The following CTNNA2 variants were observed in gnomAD, a reference collection of about 807,000 sequenced individuals.
CTNNA2 encodes the protein catenin alpha 2, also known as catenin alpha-2.
In CTNNA2, 42 loss-of-function variants were observed where a neutral mutation model predicts 101.0. The ratio of observed to expected loss-of-function variants is 0.42; its 90% CI spans 0.32 to 0.54. The LOEUF (loss-of-function observed/expected upper bound fraction) is 0.54, where lower values mean the gene tolerates loss of function less well. Among genes scored for constraint, CTNNA2 ranks in the 20% least tolerant of loss-of-function variants. The pLI is 0.14. For missense variants in CTNNA2, 871 were observed against 1,223.1 expected (o/e 0.71, Z 4.29); for synonymous variants, 450 against 456.4 (o/e 0.99, Z 0.18).
intron 7 of CTNNA2, among the ~76,000 whole-genome samples, chr2:80,257,445 G>A (rs1672260752): frequency 6.6e-6 from 1 of 152,088 alleles, no homozygotes; most frequent in Non-Finnish European, 1.5e-5. Context: ...TGTAGTAAAA[G>A]GACTTTTGAA....
At chr2:79,551,775 G>A (rs1286577832) in intron 1 of CTNNA2, among the ~76,000 whole-genome samples, 2 of 152,080 alleles carry the variant, frequency 1.3e-5, no homozygotes, top group Non-Finnish European at 2.9e-5. Flanking sequence ...TTACATGGAC[G>A]GAGAAGGAGG....
chr2:79,822,813 G>A (rs1453093128), intron 3 of CTNNA2, among the ~76,000 whole-genome samples: 2 of 152,024 alleles, frequency 1.3e-5, no homozygotes, highest in Non-Finnish European at 2.9e-5. Context: ...CTCTCTGTAC[G>A]CTTAAAGACA....
chr2:80,556,919 A>G (rs992519626), intron 12 of CTNNA2, among the ~76,000 whole-genome samples: 19 of 152,216 alleles, frequency 1.2e-4, no homozygotes, highest in Non-Finnish European at 2.5e-4. Context: ...TAAAATAGCC[A>G]TCTCTGAAAG....
At chr2:80,468,701 C>A (rs1420505288) in intron 9 of CTNNA2, among the ~76,000 whole-genome samples, 1 of 152,156 alleles carries the variant, frequency 6.6e-6, no homozygotes, top group Non-Finnish European at 1.5e-5. Flanking sequence ...CAGGTGTGAG[C>A]CACTGTGCCC....
intron 9 of CTNNA2, among the ~76,000 whole-genome samples, chr2:80,484,945 G>A (rs1482360771): frequency 6.6e-6 from 1 of 152,138 alleles, no homozygotes; most frequent in Non-Finnish European, 1.5e-5. Flanking sequence ...GGTGGAGCTT[G>A]CAGTGAGCCG....
At chr2:80,229,824 A>G (rs1293745011) in intron 7 of CTNNA2, among the ~76,000 whole-genome samples, 1 of 152,152 alleles carries the variant, frequency 6.6e-6, no homozygotes, top group South Asian at 2.1e-4. Flanking sequence ...GACTTATTAT[A>G]AACAGCAAAA....
chr2:79,991,836 G>A (rs1378106116), intron 7 of CTNNA2, among the ~76,000 whole-genome samples: 1 of 152,102 alleles, frequency 6.6e-6, no homozygotes, highest in Non-Finnish European at 1.5e-5. Context: ...TTTGAGGAGT[G>A]CCACAGTCTG....
intron 7 of CTNNA2, among the ~76,000 whole-genome samples, chr2:80,100,151 C>A (rs1484713354): frequency 6.6e-6 from 1 of 152,076 alleles, no homozygotes; most frequent in Non-Finnish European, 1.5e-5. Context: ...TCAGGCTGGT[C>A]TCGAACTCCT....
intron 4 of CTNNA2, among the ~76,000 whole-genome samples, chr2:79,463,880 A>G (rs1670904522): frequency 6.6e-6 from 1 of 152,146 alleles, no homozygotes; most frequent in African/African-American, 2.4e-5. Flanking sequence ...TAACTTCACT[A>G]TAGAATGGTA....
chr2:79,808,925 G>A (rs1676791613), intron 3 of CTNNA2, among the ~76,000 whole-genome samples: 1 of 151,984 alleles, frequency 6.6e-6, no homozygotes, highest in South Asian at 2.1e-4. Context: ...TTCTCCTAAT[G>A]CTATCCCTCC....
At position 79,778,499 on chromosome 2, in the gene CTNNA2, G is replaced by C; in HGVS notation, c.298+33917G>C. Among the ~76,000 whole-genome samples the C allele has an allele frequency of 1.3e-5, 2 of 151,490 alleles. 1 individual carries two copies. The highest frequency in any genetic ancestry group is 1.3e-4 in the Admixed American group (2 of 15,216). Reference sequence around the variant, plus strand: ...TGTTGAACCATTCTTGAATTCATGGGAAAAAAAACCTACTTGGTCATGATG... The same window carrying C: ...TGTTGAACCATTCTTGAATTCATGGCAAAAAAAACCTACTTGGTCATGATG... On this transcript the variant is annotated intron_variant, in intron 3 of 18. Transcript: ENST00000402739.
chr2:79,351,563 GT>G (rs888624843), intron 3 of CTNNA2, among the ~76,000 whole-genome samples: 60 of 152,164 alleles, frequency 3.9e-4, no homozygotes, highest in African/African-American at 1.3e-3. Context: ...CCAATAGGTA[GT>G]TTTTTTCAAC....
intron 2 of CTNNA2, among the ~76,000 whole-genome samples, chr2:79,215,825 A>G (rs1674248658): frequency 1.3e-5 from 2 of 152,244 alleles, no homozygotes; most frequent in South Asian, 4.2e-4. Flanking sequence ...AGGGGAGGTG[A>G]TAAAAGGATT....
chr2:79,971,437 C>T (rs558448827), intron 7 of CTNNA2, among the ~76,000 whole-genome samples: 1 of 152,086 alleles, frequency 6.6e-6, no homozygotes, highest in Non-Finnish European at 1.5e-5. Context: ...CACAGTGCCT[C>T]GATAAAGAAT....
intron 9 of CTNNA2, among the ~76,000 whole-genome samples, chr2:80,487,623 G>C (rs1352062753): frequency 2.0e-5 from 3 of 152,140 alleles, no homozygotes; most frequent in Admixed American, 6.5e-5. Context: ...CTCCCACTGG[G>C]TCTTTCCCAT....
In CTNNA2 at chr2:79,531,297, A is replaced by C. The variant is rs562041509; in HGVS notation, c.-6+18090A>C. Among the ~76,000 whole-genome samples, 11 of 147,106 alleles carry C rather than the reference A, an allele frequency of 7.5e-5. No homozygotes were observed. In the East Asian group the frequency reaches 2.3e-3, roughly 31 times the overall value. On this transcript the variant is annotated intron_variant, in intron 1 of 18. Coordinates refer to ENST00000402739, the MANE Select transcript of CTNNA2 (RefSeq NM_001282597.3). ...CTTAGTTTATTCTTTCATTTCTCTC[A>C]TGTGCAGCAAATCAATTTATAAGCA...
chr2:79,372,715 G>A (rs1336305643), intron 3 of CTNNA2, among the ~76,000 whole-genome samples: 2 of 152,090 alleles, frequency 1.3e-5, no homozygotes, highest in Non-Finnish European at 2.9e-5. Flanking sequence ...ACATTCAACG[G>A]TTAAAAACCA....
At chr2:80,545,391 T>C (rs1387823268) in intron 10 of CTNNA2, among the ~76,000 whole-genome samples, 2 of 150,724 alleles carry the variant, frequency 1.3e-5, no homozygotes, top group African/African-American at 5.0e-5. Flanking sequence ...TACAAAAAAA[T>C]AAACTAGCTG....
At chr2:80,042,361 G>C (rs1342325964) in intron 7 of CTNNA2, among the ~76,000 whole-genome samples, 1 of 152,144 alleles carries the variant, frequency 6.6e-6, no homozygotes, top group Non-Finnish European at 1.5e-5. Flanking sequence ...TGGCGTCAAG[G>C]CTTAAACTAG....
Sources: allele counts gnomAD v4.1 joint callset (sites outside exome capture counted in the v4.1 genomes callset), GRCh38; gene constraint gnomAD v4.1.1; transcripts MANE v1.5; gene names NCBI Gene and HGNC (gene_info 2026-07-23, HGNC 2026-07-21).